Variants in INPP4B observed in about 807,000 individuals in gnomAD.
INPP4B encodes inositol polyphosphate 4-phosphatase type II.
In INPP4B, 55 loss-of-function variants were observed where a neutral mutation model predicts 122.5. The ratio of observed to expected loss-of-function variants is 0.45; its 90% CI spans 0.36 to 0.56. The LOEUF (loss-of-function observed/expected upper bound fraction) is 0.56. Among genes scored for constraint, INPP4B ranks in the 20% least tolerant of loss-of-function variants. The pLI is 0.00. For synonymous variants in INPP4B, 403 were observed against 388.7 expected, an observed-to-expected ratio of 1.04 and a Z score of -0.43; for missense variants, 1,000 against 1,097.7, an observed-to-expected ratio of 0.91 and a Z score of 1.26.
At chr4:142,362,387 AAGAGAAAAGAGAAAG>A (rs1785750810) in intron 7 of INPP4B, among the ~76,000 whole-genome samples, 1 of 152,050 alleles carries the variant, frequency 6.6e-6, no homozygotes, top group Non-Finnish European at 1.5e-5. Context: ...ACACACTGTG[AAGAGAAAAGAGAAAG>A]AGAGAAAAGG....
At chr4:142,202,200 A>G (rs1220145041) in intron 14 of INPP4B, among the ~76,000 whole-genome samples, 1 of 152,068 alleles carries the variant, frequency 6.6e-6, no homozygotes, top group Non-Finnish European at 1.5e-5. Context: ...AGATTTAATA[A>G]TAGGGCTGCC....
chr4:142,137,786 T>C (rs1400017682), intron 18 of INPP4B, among the ~76,000 whole-genome samples: 1 of 150,982 alleles, frequency 6.6e-6, no homozygotes, highest in Non-Finnish European at 1.5e-5. Flanking sequence ...CATGAAAAAA[T>C]GCTCACCATC....
intron 1 of INPP4B, among the ~76,000 whole-genome samples, chr4:142,793,316 C>A (rs1377798685): frequency 6.6e-6 from 1 of 151,338 alleles, no homozygotes; most frequent in Non-Finnish European, 1.5e-5. Flanking sequence ...CTTGTCCATT[C>A]TTGTATCCCT....
intron 1 of INPP4B, among the ~76,000 whole-genome samples, chr4:142,727,139 T>C (rs1765441789): frequency 6.6e-6 from 1 of 152,140 alleles, no homozygotes; most frequent in South Asian, 2.1e-4. Flanking sequence ...GAAGAAAGAG[T>C]CCTTCTGGGT....
chr4:142,378,936 G>A (rs999491785), intron 7 of INPP4B, among the ~76,000 whole-genome samples: 2 of 152,138 alleles, frequency 1.3e-5, no homozygotes, highest in African/African-American at 4.8e-5. Flanking sequence ...AGCAAATGTA[G>A]TAGTTGCTAA....
chr4:142,612,947 G>C (rs1195477610), intron 2 of INPP4B, among the ~76,000 whole-genome samples: 1 of 152,184 alleles, frequency 6.6e-6, no homozygotes, highest in Non-Finnish European at 1.5e-5. Flanking sequence ...TTCTAGCTAA[G>C]TTTTGGCCCC....
intron 23 of INPP4B, among the ~76,000 whole-genome samples, chr4:142,107,532 C>G (rs1787780168): frequency 6.6e-6 from 1 of 152,020 alleles, no homozygotes; most frequent in African/African-American, 2.4e-5. Context: ...GGACAATGGC[C>G]CCCTCCAAAA....
intron 21 of INPP4B, among the ~76,000 whole-genome samples, chr4:142,118,898 G>A (rs1322008190): frequency 2.0e-5 from 3 of 152,048 alleles, no homozygotes; most frequent in African/African-American, 7.2e-5. Flanking sequence ...CTATCTATCT[G>A]ACAAAGGGTT....
chr4:142,367,007 T>A (rs749740220), intron 7 of INPP4B, among the ~76,000 whole-genome samples: 4 of 152,118 alleles, frequency 2.6e-5, no homozygotes, highest in Admixed American at 6.6e-5. Context: ...TGATCAGTAC[T>A]GCTCACCCCT....
At chr4:142,456,748 T>C (rs1815519328) in intron 3 of INPP4B, among the ~76,000 whole-genome samples, 1 of 152,096 alleles carries the variant, frequency 6.6e-6, no homozygotes, top group Admixed American at 6.6e-5. Context: ...TCATTATTGG[T>C]AAAAGGTCAA....
At chr4:142,078,706 ATACTT>A (rs1172497583) in intron 25 of INPP4B, among the ~76,000 whole-genome samples, 4 of 152,014 alleles carry the variant, frequency 2.6e-5, no homozygotes, top group African/African-American at 7.2e-5. Context: ...ACAATAGAAA[ATACTT>A]AATATAGATA....
chr4:142,609,689 C>T (rs937943915), intron 2 of INPP4B, among the ~76,000 whole-genome samples: 2 of 152,164 alleles, frequency 1.3e-5, no homozygotes, highest in African/African-American at 4.8e-5. Flanking sequence ...ATGCTGACTT[C>T]CTAAAAACCA....
At chr4:142,599,783 G>GA (rs976490571) in intron 2 of INPP4B, among the ~76,000 whole-genome samples, 6 of 151,420 alleles carry the variant, frequency 4.0e-5, no homozygotes, top group South Asian at 2.1e-4. Flanking sequence ...AAAGAAATCA[G>GA]AAAAAAACAA....
chr4:142,086,676 GA>G (rs1776968429), intron 23 of INPP4B, among the ~76,000 whole-genome samples: 1 of 152,128 alleles, frequency 6.6e-6, no homozygotes, highest in Non-Finnish European at 1.5e-5. Flanking sequence ...TTTATAACAA[GA>G]AATATCATTT....
intron 2 of INPP4B, among the ~76,000 whole-genome samples, chr4:142,720,749 CAT>C (rs1435185807): frequency 2.6e-5 from 1 of 38,898 alleles, no homozygotes; most frequent in African/African-American, 1.1e-4. Context: ...TATATATATA[CAT>C]ATATATATAA....
At position 142,247,370 on chromosome 4, in the gene INPP4B, A is replaced by G. The variant is rs1284800795; in HGVS notation, c.689-9359T>C. 5.3e-5 allele frequency among the ~76,000 whole-genome samples: 8 copies of G among 152,282 alleles called. No individual in the cohort carries two copies. In the East Asian group the frequency reaches 1.4e-3, roughly 26 times the overall value. On this transcript the variant is annotated intron_variant, in intron 11 of 25. Coordinates refer to ENST00000262992, the MANE Select transcript of INPP4B (RefSeq NM_001101669.3). ...TTGGAATCGTTTCAGAAGGAATGGT[A>G]TCAGTTCCTCCTTGTATCTCTGGTA...
chr4:142,665,493 C>A (rs999679471), intron 2 of INPP4B, among the ~76,000 whole-genome samples: 2,268 of 107,156 alleles, frequency 0.021, no homozygotes, highest in South Asian at 0.024. Context: ...GACTCTGTCT[C>A]AAAAAAAAAA....
rs186117296 is a variant in INPP4B at position 142,452,083 on chromosome 4, G to A, written c.-127+10580C>T. Among the ~76,000 whole-genome samples, 628 of 152,234 alleles carry A rather than the reference G, an allele frequency of 4.1e-3. 4 individuals are homozygous for A. Among genetic ancestry groups the A allele is most frequent in the African/African-American group, 0.014 (600 of 41,540 alleles). On this transcript the variant is annotated intron_variant, in intron 3 of 25. Transcript: ENST00000262992. ...CCCACCTGCCGACAGGCCTCTGTGT[G>A]TGATTTTCCCCACCCTGTGTCCAGG...
chr4:142,794,874 C>T (rs934543621), intron 1 of INPP4B, among the ~76,000 whole-genome samples: 1 of 151,822 alleles, frequency 6.6e-6, no homozygotes, highest in Non-Finnish European at 1.5e-5. Context: ...TACATTCATA[C>T]ACTGTAAGCT....
Sources: allele counts gnomAD v4.1 joint callset (sites outside exome capture counted in the v4.1 genomes callset), GRCh38; gene constraint gnomAD v4.1.1; transcripts MANE v1.5; gene names NCBI Gene and HGNC (gene_info 2026-07-23, HGNC 2026-07-21).